The following SYT1 variants were observed in gnomAD, a reference collection of about 807,000 sequenced individuals.
The protein encoded by SYT1 is synaptotagmin 1, also known as synaptotagmin-1.
SYT1 carries 8 observed loss-of-function variants against 44.8 expected under a neutral mutation model. That is an observed-to-expected ratio of 0.18 (90% CI 0.10 to 0.32). The LOEUF (loss-of-function observed/expected upper bound fraction) is 0.32. Ranked by LOEUF, SYT1 falls within the 10% of genes least tolerant of loss-of-function variation. The pLI is 1.00. For missense variants in SYT1, 286 were observed against 509.3 expected (o/e 0.56, Z 4.22); for synonymous variants, 154 against 188.8 (o/e 0.82, Z 1.51).
At chr12:79,262,768 A>C (rs922438287) in intron 4 of SYT1, among the ~76,000 whole-genome samples, 45 of 152,326 alleles carry the variant, frequency 3.0e-4, no homozygotes, top group African/African-American at 9.9e-4. Flanking sequence ...CATTTCAAAA[A>C]TTGTGCTGAT....
chr12:79,032,182 C>A (rs1872870041), intron 2 of SYT1, among the ~76,000 whole-genome samples: 1 of 151,042 alleles, frequency 6.6e-6, no homozygotes, highest in Admixed American at 6.6e-5. Flanking sequence ...GTCCTTTGAG[C>A]TTTTAGTTTA....
chr12:79,043,649 G>A (rs1873766067), intron 2 of SYT1, among the ~76,000 whole-genome samples: 1 of 151,654 alleles, frequency 6.6e-6, no homozygotes, highest in Non-Finnish European at 1.5e-5. Flanking sequence ...ATTGTTATGT[G>A]TGAATTTAAT....
intron 8 of SYT1, among the ~76,000 whole-genome samples, chr12:79,331,259 T>G (rs1881842139): frequency 6.6e-6 from 1 of 152,188 alleles, no homozygotes; most frequent in Non-Finnish European, 1.5e-5. Flanking sequence ...ACATTTTCTT[T>G]AAATTTTTCC....
At chr12:78,981,901 G>A (rs1869291157) in intron 2 of SYT1, among the ~76,000 whole-genome samples, 1 of 151,998 alleles carries the variant, frequency 6.6e-6, no homozygotes, top group African/African-American at 2.4e-5. Context: ...TCTTAAATTT[G>A]GATAGTTGAA....
At chr12:79,293,553 G>A (rs1353902454) in intron 6 of SYT1, among the ~76,000 whole-genome samples, 1 of 152,048 alleles carries the variant, frequency 6.6e-6, no homozygotes, top group African/African-American at 2.4e-5. Flanking sequence ...ATGTGCTAAT[G>A]ATTTCCAGTT....
In SYT1 at chr12:79,077,996, A is replaced by G. The variant is rs565240575; in HGVS notation, c.-18+30634A>G. Among the ~76,000 whole-genome samples the G allele has an allele frequency of 5.3e-5, 8 of 152,320 alleles. No homozygotes were observed. In the East Asian group the frequency reaches 1.2e-3, roughly 22 times the overall value. ...TGCATTAGTTTTTATGTTAGTAGGT[A>G]CAGAGGCAATTTTGTAAAACTACAT... On this transcript the variant is annotated intron_variant, in intron 3 of 10. Transcript: ENST00000261205.
intron 3 of SYT1, among the ~76,000 whole-genome samples, chr12:79,103,424 G>A (rs1878544023): frequency 6.6e-6 from 1 of 151,870 alleles, no homozygotes; most frequent in African/African-American, 2.4e-5. Context: ...CATTTAACAT[G>A]TTAAATGTTT....
At chr12:79,015,661 C>T (rs980325138) in intron 2 of SYT1, among the ~76,000 whole-genome samples, 8 of 152,036 alleles carry the variant, frequency 5.3e-5, no homozygotes, top group African/African-American at 1.7e-4. Flanking sequence ...TTTGCTTAAA[C>T]GAATCCAAAA....
chr12:79,157,151 T>C (rs1167692948), intron 3 of SYT1, among the ~76,000 whole-genome samples: 1 of 152,182 alleles, frequency 6.6e-6, no homozygotes, highest in Non-Finnish European at 1.5e-5. Context: ...CTGCTGCAGT[T>C]AGTACCCTCT....
At chr12:79,340,375 A>G (rs1882309132) in intron 8 of SYT1, among the ~76,000 whole-genome samples, 1 of 152,158 alleles carries the variant, frequency 6.6e-6, no homozygotes, top group Admixed American at 6.5e-5. Context: ...CTCCTTGAAG[A>G]GGTCCTTCAC....
At chr12:78,865,568 G>C (rs1226418966) in intron 1 of SYT1, among the ~76,000 whole-genome samples, 2 of 119,722 alleles carry the variant, frequency 1.7e-5, no homozygotes, top group Admixed American at 7.9e-5. Context: ...GGGATATGGG[G>C]GGGGGGGGGA....
chr12:79,321,180 G>C (rs1881342414), intron 8 of SYT1, among the ~76,000 whole-genome samples: 1 of 152,184 alleles, frequency 6.6e-6, no homozygotes, highest in Admixed American at 6.5e-5. Flanking sequence ...CTGAGACTCA[G>C]AAAGGCTAAG....
intron 3 of SYT1, among the ~76,000 whole-genome samples, chr12:79,208,796 C>G (rs7308763): frequency 0.98 from 148,694 of 152,312 alleles, 72,660 homozygotes; most frequent in African/African-American, 1. Context: ...TGTGACATTG[C>G]GGAAGAATGT....
intron 1 of SYT1, among the ~76,000 whole-genome samples, chr12:78,910,128 G>T (rs1363124216): frequency 6.6e-6 from 1 of 151,816 alleles, no homozygotes; most frequent in Non-Finnish European, 1.5e-5. Context: ...CATTGAGTGG[G>T]CCCCAGAACT....
intron 1 of SYT1, among the ~76,000 whole-genome samples, chr12:78,899,660 A>C (rs1380604781): frequency 6.6e-6 from 1 of 151,896 alleles, no homozygotes; most frequent in Non-Finnish European, 1.5e-5. Flanking sequence ...TTGAAATTTA[A>C]TGTAGCGCTT....
chr12:78,991,463 G>A (rs1005288036), intron 2 of SYT1, among the ~76,000 whole-genome samples: 30 of 152,100 alleles, frequency 2.0e-4, no homozygotes, highest in African/African-American at 7.0e-4. Context: ...AATTAATACA[G>A]AGATTTTAAA....
chr12:79,113,382 A>G (rs1255594231), intron 3 of SYT1, among the ~76,000 whole-genome samples: 2 of 152,146 alleles, frequency 1.3e-5, no homozygotes, highest in African/African-American at 4.8e-5. Context: ...TTTAATGATA[A>G]CTATCTTATA....
At chr12:79,006,558 A>T (rs1039423519) in intron 2 of SYT1, among the ~76,000 whole-genome samples, 15 of 152,102 alleles carry the variant, frequency 9.9e-5, no homozygotes, top group African/African-American at 3.4e-4. Context: ...AGGGATAAGT[A>T]TTTGGTGCCA....
At chr12:79,317,124 A>G (rs988757562) in intron 8 of SYT1, among the ~76,000 whole-genome samples, 1 of 152,184 alleles carries the variant, frequency 6.6e-6, no homozygotes, top group East Asian at 1.9e-4. Context: ...GGGGAAAACA[A>G]TCCATTGTTT....
Sources: gnomAD v4.1 joint callset for allele counts (sites outside exome capture counted in the v4.1 genomes callset) on GRCh38, gnomAD v4.1.1 for gene constraint, MANE v1.5 for transcripts, NCBI Gene and HGNC (gene_info 2026-07-23, HGNC 2026-07-21) for gene names.